Variants in CTNNA3 observed in about 807,000 individuals in gnomAD.
The protein encoded by CTNNA3 is catenin alpha-3.
A neutral mutation model predicts 95.7 loss-of-function variants in CTNNA3; 76 were observed. That is an observed-to-expected ratio of 0.79 (90% confidence interval 0.66 to 0.96). The LOEUF is 0.96. Among genes scored for constraint, CTNNA3 ranks in the 40% least tolerant of loss-of-function variants. CTNNA3 has a pLI of 0.00. For synonymous variants in CTNNA3, 431 were observed against 374.4 expected, an observed-to-expected ratio of 1.15 and a Z score of -1.74; for missense variants, 1,191 against 1,089.8, an observed-to-expected ratio of 1.09 and a Z score of -1.31.
intron 12 of CTNNA3, among the ~76,000 whole-genome samples, chr10:66,302,200 T>G (rs984981397): frequency 3.3e-5 from 5 of 151,954 alleles, no homozygotes; most frequent in Non-Finnish European, 5.9e-5. Context: ...TGAGTTCCGG[T>G]GCCTAGATAG....
chr10:66,920,540 TG>T (rs987595367), intron 7 of CTNNA3, among the ~76,000 whole-genome samples: 10 of 152,342 alleles, frequency 6.6e-5, no homozygotes, highest in African/African-American at 2.4e-4. Context: ...TGCTATTGTT[TG>T]GGGGCTAATT....
chr10:66,040,914 A>G (rs2079673664), intron 15 of CTNNA3, among the ~76,000 whole-genome samples: 2 of 152,198 alleles, frequency 1.3e-5, no homozygotes, highest in African/African-American at 4.8e-5. Flanking sequence ...CCAAATTAGT[A>G]TGCGAAAGTT....
intron 5 of CTNNA3, among the ~76,000 whole-genome samples, chr10:67,246,145 G>T (rs1485252663): frequency 2.6e-5 from 4 of 152,162 alleles, no homozygotes; most frequent in African/African-American, 9.7e-5. Flanking sequence ...TTAAAATCCA[G>T]ATCCCTAATT....
At chr10:66,273,687 A>G (rs1049430792) in intron 13 of CTNNA3, among the ~76,000 whole-genome samples, 2 of 152,204 alleles carry the variant, frequency 1.3e-5, no homozygotes, top group Admixed American at 6.5e-5. Context: ...CTCCCTTGCA[A>G]CCTTTGGAGA....
intron 12 of CTNNA3, among the ~76,000 whole-genome samples, chr10:66,335,835 C>T (rs2092388828): frequency 6.6e-6 from 1 of 152,102 alleles, no homozygotes; most frequent in African/African-American, 2.4e-5. Context: ...GAGGTGGAGT[C>T]TACAGAGGCA....
chr10:66,472,622 G>A (rs1440095653), intron 11 of CTNNA3, among the ~76,000 whole-genome samples: 1 of 151,888 alleles, frequency 6.6e-6, no homozygotes, highest in Non-Finnish European at 1.5e-5. Context: ...TTGAGATAAA[G>A]TCTCACAATT....
intron 9 of CTNNA3, among the ~76,000 whole-genome samples, chr10:66,630,592 A>C (rs7077038): frequency 0.77 from 116,827 of 152,024 alleles, 46,184 homozygotes; most frequent in African/African-American, 0.94. Context: ...TAACTTCCAT[A>C]GACAAATCCA....
At chr10:66,259,941 C>A (rs2132096752) in intron 13 of CTNNA3, among the ~76,000 whole-genome samples, 1 of 152,230 alleles carries the variant, frequency 6.6e-6, no homozygotes, top group South Asian at 2.1e-4. Context: ...TGAAAAGCAA[C>A]TTTTCAGGCT....
rs565661814 is a variant in CTNNA3, at chr10:66,670,269, C to T, written c.1282-48485G>A. On this transcript the variant is annotated intron_variant, in intron 9 of 17. Coordinates refer to ENST00000433211, the MANE Select transcript of CTNNA3 (RefSeq NM_013266.4). Reference sequence around the variant, plus strand: ...AGGTCAGAAATCTGGCTGGGTTCAGCTGATTCCTGGGGTCTAAAAGGTCCA... The same window carrying T: ...AGGTCAGAAATCTGGCTGGGTTCAGTTGATTCCTGGGGTCTAAAAGGTCCA... 3.3e-5 allele frequency among the ~76,000 whole-genome samples: 5 copies of T among 152,270 alleles called. No individual in the cohort carries two copies. In the South Asian group the frequency reaches 1.0e-3, roughly 32 times the overall value.
At chr10:66,769,642 G>A (rs1840006186) in intron 8 of CTNNA3, among the ~76,000 whole-genome samples, 1 of 152,106 alleles carries the variant, frequency 6.6e-6, no homozygotes, top group African/African-American at 2.4e-5. Flanking sequence ...AAGTCTCTGT[G>A]AAATTCTCAA....
chr10:67,725,373 T>C (rs1255405934), intron 1 of CTNNA3, among the ~76,000 whole-genome samples: 2 of 152,026 alleles, frequency 1.3e-5, no homozygotes, highest in East Asian at 1.9e-4. Context: ...AGAGACAGGG[T>C]TTCACATGTT....
At chr10:67,059,294 G>A (rs1315448928) in intron 7 of CTNNA3, among the ~76,000 whole-genome samples, 1 of 152,154 alleles carries the variant, frequency 6.6e-6, no homozygotes, top group Non-Finnish European at 1.5e-5. Context: ...TTGACATCAT[G>A]TTAGTGATGT....
intron 5 of CTNNA3, among the ~76,000 whole-genome samples, chr10:67,301,306 C>A (rs143335136): frequency 1.3e-5 from 2 of 151,946 alleles, no homozygotes; most frequent in Non-Finnish European, 2.9e-5. Context: ...AATGAGACAT[C>A]TCACCTCATA....
intron 11 of CTNNA3, among the ~76,000 whole-genome samples, chr10:66,398,921 G>C (rs1240857485): frequency 1.3e-5 from 2 of 151,952 alleles, no homozygotes; most frequent in East Asian, 1.9e-4. Context: ...AAGCATCTCT[G>C]CATGAAAAAC....
intron 7 of CTNNA3, among the ~76,000 whole-genome samples, chr10:66,825,399 C>T (rs986685832): frequency 4.0e-5 from 6 of 151,392 alleles, no homozygotes; most frequent in African/African-American, 1.5e-4. Flanking sequence ...CCTCAGCCTC[C>T]CAAGTAGCTG....
intron 11 of CTNNA3, among the ~76,000 whole-genome samples, chr10:66,507,455 T>C (rs1840489558): frequency 6.6e-6 from 1 of 152,054 alleles, no homozygotes; most frequent in Non-Finnish European, 1.5e-5. Flanking sequence ...ATTCTTCTTA[T>C]CTAACTGGAA....
rs529998398 is a variant in CTNNA3 at position 66,521,216 on chromosome 10, T to C, written c.1375-443A>G. Among the ~76,000 whole-genome samples, 85 of 151,918 alleles carry C rather than the reference T, an allele frequency of 5.6e-4. 1 individual carries two copies. Among genetic ancestry groups the C allele is most frequent in the African/African-American group, 2.0e-3 (85 of 41,538 alleles). ...TATAGGTATAAATAATAATTTTTATTTTTAAAATTTTCCTACTCCCTCTAT... is the reference window on the plus strand; with the variant it reads ...TATAGGTATAAATAATAATTTTTATCTTTAAAATTTTCCTACTCCCTCTAT... On this transcript the variant is annotated intron_variant, in intron 10 of 17. Transcript: ENST00000433211.
intron 11 of CTNNA3, among the ~76,000 whole-genome samples, chr10:66,450,506 A>G (rs1269441275): frequency 6.6e-6 from 1 of 152,126 alleles, no homozygotes; most frequent in African/African-American, 2.4e-5. Flanking sequence ...TTCAGAAATA[A>G]CGTTGTATTC....
intron 7 of CTNNA3, among the ~76,000 whole-genome samples, chr10:67,133,378 T>TATATATATACAC (rs1177119156): frequency 6.0e-5 from 8 of 133,934 alleles, no homozygotes; most frequent in African/African-American, 2.0e-4. Flanking sequence ...TATATATATA[T>TATATATATACAC]ACACACACAC....
Sources: allele counts gnomAD v4.1 joint callset (sites outside exome capture counted in the v4.1 genomes callset), GRCh38; gene constraint gnomAD v4.1.1; transcripts MANE v1.5; gene names NCBI Gene and HGNC (gene_info 2026-07-23, HGNC 2026-07-21).